Variants in SCGB3A1 observed in about 807,000 individuals in gnomAD.
SCGB3A1 encodes the protein secretoglobin family 3A member 1, also known as cytokine HIN-1.
SCGB3A1 carries 7 observed loss-of-function variants against 7.6 expected under a neutral mutation model. The observed-to-expected ratio is 0.93, with a 90% CI of 0.53 to 1.74. SCGB3A1 has a LOEUF of 1.74. SCGB3A1 is among the 40% of genes most tolerant of loss of function. The probability of loss-of-function intolerance (pLI) is 0.00; values close to 1 mark genes in which losing one functional copy is unlikely to be tolerated. For missense variants in SCGB3A1, 119 were observed against 129.0 expected, an observed-to-expected ratio of 0.92 and a Z score of 0.38; for synonymous variants, 67 against 66.6, an observed-to-expected ratio of 1.01 and a Z score of -0.03.
chr5:180,590,909 C>T (rs748746447), intron 1 of SCGB3A1, 71 bp from the exon 2 acceptor site: 1 of 1,164,344 alleles, frequency 8.6e-7, no homozygotes, highest in Non-Finnish European at 1.2e-6. Flanking sequence ...GGACGCGCCC[C>T]CGCGGGAGGC....
At position 180,590,205 on chromosome 5, in the gene SCGB3A1, T is replaced by G; in HGVS notation, c.*26A>C. ...CTCGCGGGTGGGCAGCGTCTTGTCC[T>G]CAGGTGTAGATGCTCCAGTCTCGGC... On this transcript the variant is annotated 3_prime_UTR_variant, in exon 3 of 3. Transcript: ENST00000292641. 1 of 1,578,896 alleles carries G rather than the reference T, an allele frequency of 6.3e-7. No homozygotes were observed. The highest frequency in any genetic ancestry group is 8.6e-7 in the Non-Finnish European group (1 of 1,162,356).
chr5:180,591,336 C>G lies in SCGB3A1; in HGVS notation c.52+75G>C. On this transcript the variant is annotated intron_variant, in intron 1 of 2. Coordinates refer to ENST00000292641, the MANE Select transcript of SCGB3A1 (RefSeq NM_052863.3). The stretch of plus-strand genomic sequence containing the variant: ...AAGGACCTGGGATCCACGATCGGCG[C>G]AGGCAGCGGCGGGGGCGCAGCGGGC... 5 of 1,122,272 alleles carry G rather than the reference C, an allele frequency of 4.5e-6. No individual in the cohort carries two copies. In the African/African-American group the frequency reaches 8.1e-5, roughly 18 times the overall value. 69.5% of individuals were successfully genotyped at this position (1,122,272 alleles called of 1,614,324 possible). A position where few individuals can be genotyped will look rare whatever the true frequency, so the allele number is the denominator to read the frequency against.
intron 2 of SCGB3A1, 87 bp downstream of exon 2, chr5:180,590,513 G>A (rs925185309): frequency 6.1e-5 from 69 of 1,122,994 alleles, no homozygotes; most frequent in African/African-American, 1.2e-4. Context: ...CAGCCCTGAC[G>A]TAGGGCCGGG....
At position 180,590,830 on chromosome 5, in the gene SCGB3A1, A is replaced by C; in HGVS notation, c.61T>G (p.Phe21Val). Residue 21 changes from phenylalanine (F) to valine (V), a missense_variant, in exon 2 of 3, where the codon TTC becomes GTC. Transcript: ENST00000292641. Reference sequence around the variant, plus strand: ...ACAGGCTTGGCCGAGCCCACTAAGAAAGCAGCAGCTGCAAGCGAACAGGGA... The same window carrying C: ...ACAGGCTTGGCCGAGCCCACTAAGACAGCAGCAGCTGCAAGCGAACAGGGA... ...VALSCSSAAA[F>V]LVGSAKPVAQ... 1 of 1,603,884 alleles carries C rather than the reference A, an allele frequency of 6.2e-7. No individual in the cohort carries two copies.
At position 180,590,236 on chromosome 5, in the gene SCGB3A1, CA is replaced by C; in HGVS notation, c.309del (p.Phe103LeufsTer43). On this transcript the variant is annotated frameshift_variant, in exon 3 of 3. Transcript: ENST00000292641. LOFTEE classifies it high-confidence loss of function. ...GTAGATGCTCCAGTCTCGGCTCAGC[CA>C]AACACTGTCAGGGCCCCCTGGAAAG... ...LKALLGALTV[F>X]G 1 of 1,583,224 alleles carries C rather than the reference CA, an allele frequency of 6.3e-7. No homozygotes were observed. The highest frequency in any genetic ancestry group is 8.6e-7 in the Non-Finnish European group (1 of 1,165,128).
At chr5:180,590,869 G>GC (rs1761302263) in intron 1 of SCGB3A1, 31 bp from the exon 2 acceptor site, 2 of 1,537,430 alleles carry the variant, frequency 1.3e-6, no homozygotes, top group Non-Finnish European at 1.8e-6. Context: ...GTCACCGCCT[G>GC]CGCGCCGGGG....
Position 180,591,439 on chromosome 5 carries a change from C to A in SCGB3A1, c.24G>T (p.Gly8=). Residue 8 remains glycine, a synonymous_variant, in exon 1 of 3, where the codon GGG becomes GGT. Coordinates refer to ENST00000292641, the MANE Select transcript of SCGB3A1 (RefSeq NM_052863.3). The part of the protein sequence containing the change: MKLAALL[G]LCVALSCSSA... ...AGCTGCAGGACAGGGCCACGCAGAG[C>A]CCCAGGAGGGCGGCGAGCTTCATGG... 1 of 1,227,992 alleles carries A rather than the reference C, an allele frequency of 8.1e-7. No individual in the cohort carries two copies. The highest frequency in any genetic ancestry group is 1.0e-6 in the Non-Finnish European group (1 of 985,570). The allele number at this position is 1,227,992 out of a possible 1,614,324, so 76.1% of individuals were successfully genotyped here.
At position 180,590,207 on chromosome 5, in the gene SCGB3A1, A is replaced by C. The variant is rs1157742423; in HGVS notation, c.*24T>G. On this transcript the variant is annotated 3_prime_UTR_variant, in exon 3 of 3. Transcript: ENST00000292641. ...CGCGGGTGGGCAGCGTCTTGTCCTC[A>C]GGTGTAGATGCTCCAGTCTCGGCTC... is the stretch of plus-strand genomic sequence containing the variant. The C allele has an allele frequency of 1.9e-6, 3 of 1,579,116 alleles. No individual in the cohort carries two copies. The highest frequency in any genetic ancestry group is 1.3e-5 in the African/African-American group (1 of 74,688).
chr5:180,591,297 C>T, intron 1 of SCGB3A1, 114 bp downstream of exon 1: 1 of 920,086 alleles, frequency 1.1e-6, no homozygotes, highest in East Asian at 3.6e-5. Context: ...CCTCTGGGCG[C>T]CGGGCGAGGC....
intron 1 of SCGB3A1, chr5:180,591,114 C>G (rs957980491): frequency 4.5e-6 from 2 of 443,090 alleles, no homozygotes; most frequent in African/African-American, 4.1e-5. Context: ...GGACAGGCCC[C>G]CAAGGGAGGG....
chr5:180,590,404 G>T (rs1229173200), intron 2 of SCGB3A1, 150 bp from the exon 3 acceptor site: 3 of 1,103,062 alleles, frequency 2.7e-6, no homozygotes, highest in Non-Finnish European at 2.6e-6. Flanking sequence ...GGCCATCTCC[G>T]CCTTCCCCGC....
Position 180,591,428 on chromosome 5 carries a change from G to A in SCGB3A1, c.35C>T (p.Ala12Val), listed in dbSNP as rs958620254. ...GCGCTCACCGGAGCTGCAGGACAGG[G>A]CCACGCAGAGCCCCAGGAGGGCGGC... ...KLAALLGLCV[A>V]LSCSSAAAFL... The change falls in exon 1 of 3, where the codon GCC (alanine) becomes GTC (valine). Residue 12 changes from alanine to valine, a missense_variant. Ala to Val is a moderately conservative substitution (Grantham distance 64). Transcript: ENST00000292641. 1.1e-5 allele frequency: 13 copies of A among 1,227,338 alleles called. No individual in the cohort carries two copies. The highest frequency in any genetic ancestry group is 5.1e-6 in the Non-Finnish European group (5 of 985,200). 76.0% of individuals were successfully genotyped at this position (1,227,338 alleles called of 1,614,324 possible). A position where few individuals can be genotyped will look rare whatever the true frequency, so the allele number is the denominator to read the frequency against.
In SCGB3A1 at chr5:180,590,729, G is replaced by C. The variant is rs763602544; in HGVS notation, c.162C>G (p.Leu54=). Residue 54 remains leucine (L), a synonymous_variant, in exon 2 of 3, where the codon CTC becomes CTG. Transcript: ENST00000292641. ...TGCTCAGCAGGAGCTTCAGCGGGTT[G>C]AGGGTGCCGAGGGGGTTGGCCAGGG... ...AGTLANPLGT[L]NPLKLLLSSL... is the part of the protein sequence containing the mutation. The C allele has an allele frequency of 6.3e-7, 1 of 1,581,572 alleles. No individual in the cohort carries two copies.
At position 180,590,778 on chromosome 5, in the gene SCGB3A1, G is replaced by A. The variant is rs1459132179; in HGVS notation, c.113C>T (p.Ser38Leu). The A allele has an allele frequency of 6.3e-7, 1 of 1,595,414 alleles. No homozygotes were observed. Among genetic ancestry groups the A allele is most frequent in the Non-Finnish European group, 8.5e-7 (1 of 1,171,644 alleles). The change falls in exon 2 of 3, where the codon TCG becomes TTG. Residue 38 changes from serine to leucine, a missense_variant. Ser to Leu is a moderately radical substitution (Grantham distance 145, BLOSUM62 -2). Transcript: ENST00000292641. ...GGTCCCGGCCCCGGCCTCCGCCGCCGACTCCAGCGCAGCGACAGGCTGGGC... is the reference window on the plus strand; with the variant it reads ...GGTCCCGGCCCCGGCCTCCGCCGCCAACTCCAGCGCAGCGACAGGCTGGGC... ...PVAQPVAALE[S>L]AAEAGAGTLA...
rs1004966004 is a variant in SCGB3A1, at chr5:180,590,967, C to T, written c.53-129G>A. 9 of 674,850 alleles carry T rather than the reference C, an allele frequency of 1.3e-5. No homozygotes were observed. The Admixed American group carries it at 2.4e-4, about 18-fold the overall frequency. 41.8% of individuals were successfully genotyped at this position (674,850 alleles called of 1,614,324 possible). ...CCCGGCTCCCCGACCGCCCCTCCCT[C>T]CTGCGCCGAGGCCTGCCAGGTGCGA... On this transcript the variant is annotated intron_variant, in intron 1 of 2. Coordinates refer to ENST00000292641, the MANE Select transcript of SCGB3A1 (RefSeq NM_052863.3).
At chr5:180,591,360 G>C in intron 1 of SCGB3A1, 51 bp downstream of exon 1, 1 of 1,190,830 alleles carries the variant, frequency 8.4e-7, no homozygotes, top group East Asian at 3.3e-5. Context: ...GGCGCAGCGG[G>C]CGCCGAGGCC....
chr5:180,590,487 G>T, intron 2 of SCGB3A1, 113 bp downstream of exon 2: 1 of 971,282 alleles, frequency 1.0e-6, no homozygotes, highest in Non-Finnish European at 1.5e-6. Context: ...AGGGCTTGGA[G>T]GGGCAGGACG....
In SCGB3A1 at chr5:180,590,724, G is replaced by A. The variant is rs1761297781; in HGVS notation, c.167C>T (p.Pro56Leu). ...TLANPLGTLN[P>L]LKLLLSSLGI... ...CAGGCTGCTCAGCAGGAGCTTCAGC[G>A]GGTTGAGGGTGCCGAGGGGGTTGGC... The change falls in exon 2 of 3, where the codon CCG (proline) becomes CTG (leucine). Residue 56 changes from proline (P) to leucine (L), a missense_variant. Transcript: ENST00000292641. 1 of 1,582,684 alleles carries A rather than the reference G, an allele frequency of 6.3e-7. No individual in the cohort carries two copies.
chr5:180,591,022 G>A, intron 1 of SCGB3A1, 184 bp from the exon 2 acceptor site: 1 of 538,462 alleles, frequency 1.9e-6, no homozygotes, highest in East Asian at 3.4e-5. Context: ...GTCTGGGGAG[G>A]CGGCCCCGCC....
Sources: gnomAD v4.1 joint callset for allele counts on GRCh38, gnomAD v4.1.1 for gene constraint, MANE v1.5 for transcripts, NCBI Gene and HGNC (gene_info 2026-07-23, HGNC 2026-07-21) for gene names.